Variants in ARHGAP40 observed in about 807,000 individuals in gnomAD.
The protein encoded by ARHGAP40 is Rho GTPase activating protein 40.
Under a neutral mutation model 73.5 loss-of-function variants are expected in ARHGAP40, and 43 were observed. The observed-to-expected ratio is 0.58, with a 90% CI of 0.46 to 0.75. ARHGAP40 has a LOEUF of 0.75. ARHGAP40 is among the 30% of genes least tolerant of loss of function. ARHGAP40 has a pLI of 0.00. For synonymous variants in ARHGAP40, 300 were observed against 352.8 expected, an observed-to-expected ratio of 0.85 and a Z score of 1.68; for missense variants, 734 against 861.8, an observed-to-expected ratio of 0.85 and a Z score of 1.86.
intron 1 of ARHGAP40, among the ~76,000 whole-genome samples, chr20:38,607,730 A>C (rs2088779915): frequency 6.6e-6 from 1 of 152,204 alleles, no homozygotes; most frequent in African/African-American, 2.4e-5. Context: ...AAGTGTGAGA[A>C]GGTCTTTTCT....
At chr20:38,605,644 A>G (rs1206614887) in intron 1 of ARHGAP40, among the ~76,000 whole-genome samples, 3 of 152,162 alleles carry the variant, frequency 2.0e-5, no homozygotes, top group Non-Finnish European at 4.4e-5. Context: ...AGTGAAATCC[A>G]CCTGCCCCTC....
At chr20:38,611,896 T>TG (rs1453292807) in intron 1 of ARHGAP40, among the ~76,000 whole-genome samples, 1 of 149,744 alleles carries the variant, frequency 6.7e-6, no homozygotes, top group East Asian at 2.0e-4. Context: ...TTTTTGTAAT[T>TG]TTTTTTTTGT....
At chr20:38,637,227 C>A (rs902755792) in intron 6 of ARHGAP40, among the ~76,000 whole-genome samples, 2 of 151,826 alleles carry the variant, frequency 1.3e-5, no homozygotes, top group Non-Finnish European at 2.9e-5. Context: ...CTCACTGCAA[C>A]CTCTGCCTCC....
rs553508676 is a variant in ARHGAP40 at position 38,636,262 on chromosome 20, T to C, written c.950-1446T>C. Reference sequence around the variant, plus strand: ...CCTTGAAAACATGATTTTTATTTATTTATTTTTTTTTTTTTTTGAGAGAAA... The same window carrying C: ...CCTTGAAAACATGATTTTTATTTATCTATTTTTTTTTTTTTTTGAGAGAAA... On this transcript the variant is annotated intron_variant, in intron 6 of 14. Transcript: ENST00000373345. Among the ~76,000 whole-genome samples, 8 of 151,424 alleles carry C rather than the reference T, an allele frequency of 5.3e-5. No homozygotes were observed. In the East Asian group the frequency reaches 7.7e-4, roughly 15 times the overall value.
chr20:38,643,538 A>G (rs2089032292), intron 10 of ARHGAP40, among the ~76,000 whole-genome samples, 166 bp from the exon 11 acceptor site: 1 of 152,184 alleles, frequency 6.6e-6, no homozygotes, highest in Non-Finnish European at 1.5e-5. Flanking sequence ...CAGAGAGGTC[A>G]TGGAGTGGGC....
rs62201571 is a variant in ARHGAP40 at position 38,627,377 on chromosome 20, T to G, written c.558+162T>G. ...ATGTGTGTTGGTGTCTGTGTGTTGG[T>G]GTGTGTGTTGGGGTGTGTGTGTGTT... On this transcript the variant is annotated intron_variant, in intron 3 of 14. Coordinates refer to ENST00000373345, the Ensembl canonical transcript of ARHGAP40. Among the ~76,000 whole-genome samples, 1,905 of 145,348 alleles carry G rather than the reference T, an allele frequency of 0.013. 16 individuals are homozygous for G. Among genetic ancestry groups the G allele is most frequent in the Middle Eastern group, 0.021 (6 of 290 alleles).
chr20:38,625,254 A>G (rs1012581188), intron 2 of ARHGAP40, among the ~76,000 whole-genome samples: 3 of 152,218 alleles, frequency 2.0e-5, no homozygotes, highest in African/African-American at 7.2e-5. Context: ...GTGGCCAGCA[A>G]TCTAATTTCC....
intron 6 of ARHGAP40, 40 bp downstream of exon 6, chr20:38,634,825 T>C (rs1255117029): frequency 8.1e-7 from 1 of 1,232,082 alleles, no homozygotes; most frequent in East Asian, 5.7e-5. Flanking sequence ...GTGGCCACAG[T>C]CCTCATAGGG....
At chr20:38,650,135 C>T in exon 15 of ARHGAP40, 1 of 360,506 alleles carries the variant, frequency 2.8e-6, no homozygotes, top group South Asian at 2.1e-5. Context: ...CTTCACAGCT[C>T]TCATGTTTTA....
intron 1 of ARHGAP40, among the ~76,000 whole-genome samples, chr20:38,603,506 AATCT>A (rs941818425): frequency 2.6e-5 from 4 of 151,482 alleles, no homozygotes; most frequent in Non-Finnish European, 2.9e-5. Flanking sequence ...TTCTGTATCT[AATCT>A]ATCTATCCAT....
intron 5 of ARHGAP40, among the ~76,000 whole-genome samples, chr20:38,633,951 C>T (rs1220267714): frequency 6.6e-6 from 1 of 152,208 alleles, no homozygotes; most frequent in Non-Finnish European, 1.5e-5. Flanking sequence ...TCTCCAGGTC[C>T]TCTTGTGGAA....
At chr20:38,601,935 G>C in exon 1 of ARHGAP40, 1 of 1,287,734 alleles carries the variant, frequency 7.8e-7, no homozygotes, top group East Asian at 5.6e-5. Flanking sequence ...TCCTCGAGGT[G>C]CCAGCCCATG....
At chr20:38,632,195 C>G (rs1338604928) in intron 5 of ARHGAP40, among the ~76,000 whole-genome samples, 2 of 151,886 alleles carry the variant, frequency 1.3e-5, no homozygotes, top group African/African-American at 4.8e-5. Flanking sequence ...AACTCCTGAC[C>G]TCAGGTGATC....
At position 38,646,319 on chromosome 20, in the gene ARHGAP40, G is replaced by C. The variant is rs114860682; in HGVS notation, c.1710+132G>C. 2,677 of 1,049,548 alleles carry C rather than the reference G, an allele frequency of 2.6e-3. 47 individuals carry two copies. The African/African-American group carries it at 0.04, about 16-fold the overall frequency. The allele number at this position is 1,049,548 out of a possible 1,614,324, so 65.0% of individuals were successfully genotyped here. On this transcript the variant is annotated intron_variant, in intron 12 of 14. Transcript: ENST00000373345. This position sits in a 1 kb window ranked among gnomAD's most constrained non-coding sequence, Gnocchi z 4.5. ...AACGGCCCAGTGAGGCCACCAGGGG[G>C]CGTTGCGGCGCCGTCACGGGGAGCG...
chr20:38,647,050 A>T, exon 13 of ARHGAP40: 1 of 1,305,396 alleles, frequency 7.7e-7, no homozygotes, highest in South Asian at 1.2e-5. Context: ...CCACGTCCTG[A>T]GGCAGTTCAC....
intron 1 of ARHGAP40, among the ~76,000 whole-genome samples, chr20:38,619,987 G>T (rs187975074): frequency 6.6e-6 from 1 of 152,126 alleles, no homozygotes; most frequent in Admixed American, 6.5e-5. Context: ...TGGGAGCATC[G>T]CTTGAGCCCA....
chr20:38,613,482 G>A (rs1237828515), intron 1 of ARHGAP40, among the ~76,000 whole-genome samples: 1 of 152,192 alleles, frequency 6.6e-6, no homozygotes, highest in East Asian at 1.9e-4. Flanking sequence ...ATTCCCAGCA[G>A]TTTGGGTGTC....
At chr20:38,604,123 G>A (rs890305035) in intron 1 of ARHGAP40, among the ~76,000 whole-genome samples, 3 of 152,080 alleles carry the variant, frequency 2.0e-5, no homozygotes, top group African/African-American at 4.8e-5. Flanking sequence ...ACCATGCGTC[G>A]TCCGTCCATC....
intron 1 of ARHGAP40, 105 bp downstream of exon 1, chr20:38,602,184 C>A (rs2088739361): frequency 1.7e-6 from 2 of 1,162,412 alleles, no homozygotes; most frequent in Non-Finnish European, 2.2e-6. Context: ...CTTCCTCCAT[C>A]GTACAGATGA....
Sources: allele counts gnomAD v4.1 joint callset (sites outside exome capture counted in the v4.1 genomes callset), GRCh38; gene constraint gnomAD v4.1.1; non-coding constraint Gnocchi (gnomAD v3.1); transcripts MANE v1.5; gene names NCBI Gene and HGNC (gene_info 2026-07-23, HGNC 2026-07-21).